RFX7: variants seen among roughly 807,000 people sequenced by gnomAD.
The protein encoded by RFX7 is DNA-binding protein RFX7.
In RFX7, 26 loss-of-function variants were observed where a neutral mutation model predicts 111.8. The observed-to-expected ratio is 0.23, with a 90% CI of 0.17 to 0.32. The LOEUF (loss-of-function observed/expected upper bound fraction) is 0.32. Ranked by LOEUF, RFX7 falls within the 10% of genes least tolerant of loss-of-function variation. The pLI, the probability that RFX7 is intolerant of heterozygous loss-of-function variation, is 1.00. For missense variants in RFX7, 1,573 were observed against 1,772.9 expected (o/e 0.89, Z 2.02); for synonymous variants, 624 against 624.4 (o/e 1.00, Z 0.01).
At chr15:56,153,726 C>G (rs962422088) in intron 3 of RFX7, among the ~76,000 whole-genome samples, 1 of 152,162 alleles carries the variant, frequency 6.6e-6, no homozygotes. Context: ...CCTTTGAAAA[C>G]TGGCACAAGA....
chr15:56,210,515 C>G (rs1434229224), intron 2 of RFX7, among the ~76,000 whole-genome samples: 1 of 152,054 alleles, frequency 6.6e-6, no homozygotes, highest in East Asian at 1.9e-4. Flanking sequence ...ACATTCTTCT[C>G]AAGCTCACAT....
intron 5 of RFX7, among the ~76,000 whole-genome samples, chr15:56,116,013 A>G (rs1276730503): frequency 6.6e-6 from 1 of 152,192 alleles, no homozygotes; most frequent in Non-Finnish European, 1.5e-5. Context: ...AACTACCTAT[A>G]GATTAAGAAT....
At chr15:56,143,147 T>G (rs1160922759) in intron 4 of RFX7, among the ~76,000 whole-genome samples, 1 of 152,130 alleles carries the variant, frequency 6.6e-6, no homozygotes, top group African/African-American at 2.4e-5. Context: ...GACAAAGTAT[T>G]TGTTTTGGTC....
chr15:56,204,113 C>T (rs746793134), intron 2 of RFX7, among the ~76,000 whole-genome samples: 8 of 151,434 alleles, frequency 5.3e-5, no homozygotes, highest in Non-Finnish European at 1.0e-4. Context: ...TTCTACCTCC[C>T]GGGTTCAGGT....
intron 3 of RFX7, among the ~76,000 whole-genome samples, chr15:56,146,728 AT>A (rs1212464304): frequency 1.3e-5 from 2 of 152,084 alleles, no homozygotes; most frequent in African/African-American, 4.8e-5. Context: ...CAGTGTCCTA[AT>A]TTTTTTTAAA....
At chr15:56,227,953 T>C (rs985081974) in intron 2 of RFX7, among the ~76,000 whole-genome samples, 1 of 152,184 alleles carries the variant, frequency 6.6e-6, no homozygotes, top group African/African-American at 2.4e-5. Context: ...TCTTTCACTT[T>C]TGAAGAATAA....
chr15:56,241,888 T>C (rs1027973905), intron 2 of RFX7, among the ~76,000 whole-genome samples: 2 of 152,196 alleles, frequency 1.3e-5, no homozygotes, highest in Non-Finnish European at 2.9e-5. Context: ...GATGAAACTA[T>C]TAAAGCCTGC....
chr15:56,114,422 A>AAC (rs1442257657), intron 5 of RFX7, among the ~76,000 whole-genome samples: 4 of 150,544 alleles, frequency 2.7e-5, no homozygotes, highest in Non-Finnish European at 5.9e-5. Context: ...AAAAAAAAAA[A>AAC]AAAAACAAAC....
At chr15:56,142,952 T>C (rs2042421585) in intron 4 of RFX7, 52 bp from the exon 5 acceptor site, 2 of 1,598,720 alleles carry the variant, frequency 1.3e-6, no homozygotes, top group Non-Finnish European at 1.7e-6. Flanking sequence ...TCATTAACGA[T>C]TTTTGAGCTA....
At chr15:56,210,240 T>C (rs540787022) in intron 2 of RFX7, among the ~76,000 whole-genome samples, 17 of 152,156 alleles carry the variant, frequency 1.1e-4, no homozygotes, top group African/African-American at 2.9e-4. Flanking sequence ...TAGTGATAAA[T>C]AGGTGAATGC....
At position 56,092,089 on chromosome 15, in the gene RFX7, A is replaced by G. The variant is rs762483971; in HGVS notation, c.*1256T>C. 2.0e-4 allele frequency: 30 copies of G among 152,690 alleles called. No homozygotes were observed. Among genetic ancestry groups the G allele is most frequent in the Non-Finnish European group, 3.1e-4 (21 of 67,980 alleles). The allele number at this position is 152,690 out of a possible 1,614,324, so 9.5% of individuals were successfully genotyped here. A position where few individuals can be genotyped will look rare whatever the true frequency, so the allele number is the denominator to read the frequency against. ...CTCATAAATAATTATTCACAAAACA[A>G]AATGGGAGCCATAGAGAGAAACATT... On this transcript the variant is annotated 3_prime_UTR_variant, in exon 10 of 10. Coordinates refer to ENST00000559447, the MANE Select transcript of RFX7 (RefSeq NM_022841.7).
At chr15:56,122,237 TG>T (rs1235750159) in intron 5 of RFX7, among the ~76,000 whole-genome samples, 1 of 152,116 alleles carries the variant, frequency 6.6e-6, no homozygotes, top group African/African-American at 2.4e-5. Context: ...TAACTGCATT[TG>T]GGGGCATTAC....
At chr15:56,109,900 G>A (rs556799111) in intron 5 of RFX7, among the ~76,000 whole-genome samples, 108 of 151,504 alleles carry the variant, frequency 7.1e-4, no homozygotes, top group African/African-American at 2.4e-3. Context: ...CAGCCACCCC[G>A]TCCGGGAGGG....
At chr15:56,228,820 C>T (rs1404472950) in intron 2 of RFX7, among the ~76,000 whole-genome samples, 1 of 152,094 alleles carries the variant, frequency 6.6e-6, no homozygotes, top group East Asian at 1.9e-4. Flanking sequence ...CCTGAAACCA[C>T]AGATGGTACA....
rs142085305 is a variant in RFX7, at chr15:56,170,806, C to T, written c.195+8464G>A. 1.1e-3 allele frequency among the ~76,000 whole-genome samples: 164 copies of T among 152,188 alleles called. 1 individual carries two copies. Among genetic ancestry groups the T allele is most frequent in the African/African-American group, 3.8e-3 (157 of 41,550 alleles). ...AACATTTCTACCACCACAGAAAGTT[C>T]CATGGATAATGCTCTTACAGATTGA... is the stretch of plus-strand genomic sequence containing the variant. On this transcript the variant is annotated intron_variant, in intron 3 of 9. Transcript: ENST00000559447.
At chr15:56,185,058 T>C (rs2141147901) in intron 2 of RFX7, among the ~76,000 whole-genome samples, 1 of 152,308 alleles carries the variant, frequency 6.6e-6, no homozygotes, top group East Asian at 1.9e-4. Flanking sequence ...ACAAAACACA[T>C]TTTCCTCTTA....
chr15:56,155,945 T>C (rs1336769483), intron 3 of RFX7, among the ~76,000 whole-genome samples: 1 of 152,046 alleles, frequency 6.6e-6, no homozygotes, highest in Middle Eastern at 3.2e-3. Flanking sequence ...CAGTTTAGAA[T>C]ATACAGCCTT....
chr15:56,204,446 T>C (rs1290436557), intron 2 of RFX7, among the ~76,000 whole-genome samples: 1 of 152,200 alleles, frequency 6.6e-6, no homozygotes, highest in Admixed American at 6.5e-5. Context: ...CTTGAGAAAC[T>C]ATTAGACCAT....
chr15:56,096,379 A>G lies in RFX7; in HGVS notation c.1349T>C (p.Val450Ala). Residue 450 changes from valine (V) to alanine (A), a missense_variant, in exon 10 of 10, where the codon GTC becomes GCC. This residue lies in a region of RFX7 where 288 missense variants were observed against 337.9 expected (regional missense o/e 0.85). Transcript: ENST00000559447. The part of the protein sequence containing the change: ...SALTIRSPTT[V>A]LFTSSPIKTA... The stretch of plus-strand genomic sequence containing the variant: ...TTTGATGGGACTACTAGTAAAGAGG[A>G]CAGTAGTTGGAGAGCGAATGGTGAG... 1.2e-6 allele frequency: 2 copies of G among 1,613,952 alleles called. No individual in the cohort carries two copies. The highest frequency in any genetic ancestry group is 1.7e-6 in the Non-Finnish European group (2 of 1,179,878).
Sources: gnomAD v4.1 joint callset for allele counts (sites outside exome capture counted in the v4.1 genomes callset) on GRCh38, gnomAD v4.1.1 for gene constraint, gnomAD v4.1.1 regional missense constraint, MANE v1.5 for transcripts, NCBI Gene and HGNC (gene_info 2026-07-23, HGNC 2026-07-21) for gene names.